The following TGFB2 variants were observed in gnomAD, a reference collection of about 807,000 sequenced individuals.
TGFB2 encodes transforming growth factor beta-2 proprotein.
TGFB2 carries 13 observed loss-of-function variants against 42.7 expected under a neutral mutation model. The observed-to-expected ratio is 0.30, with a 90% confidence interval of 0.20 to 0.48. The LOEUF (loss-of-function observed/expected upper bound fraction) is 0.48, where lower values mean the gene tolerates loss of function less well. Among genes scored for constraint, TGFB2 ranks in the 20% least tolerant of loss-of-function variants. The pLI is 0.99. For missense variants in TGFB2, 390 were observed against 517.5 expected, an observed-to-expected ratio of 0.75 and a Z score of 2.39; for synonymous variants, 193 against 193.6, an observed-to-expected ratio of 1.00 and a Z score of 0.03.
At chr1:218,429,322 C>A (rs551027434) in intron 2 of TGFB2, among the ~76,000 whole-genome samples, 3 of 152,112 alleles carry the variant, frequency 2.0e-5, no homozygotes, top group Non-Finnish European at 4.4e-5. Flanking sequence ...ATTTAAAGTA[C>A]CTTTTGTAAG....
intron 1 of TGFB2, among the ~76,000 whole-genome samples, chr1:218,362,382 G>A (rs1403536942): frequency 6.6e-6 from 1 of 152,184 alleles, no homozygotes; most frequent in Non-Finnish European, 1.5e-5. Context: ...ACACAAGTTA[G>A]ACAACTGCTC....
intron 1 of TGFB2, among the ~76,000 whole-genome samples, chr1:218,394,568 C>T (rs1658434184): frequency 1.3e-5 from 2 of 152,074 alleles, no homozygotes; most frequent in Admixed American, 1.3e-4. Context: ...GTCACGTAAG[C>T]TGATGCCGAC....
intron 1 of TGFB2, among the ~76,000 whole-genome samples, chr1:218,372,915 G>A (rs1169134142): frequency 6.6e-6 from 1 of 152,076 alleles, no homozygotes; most frequent in African/African-American, 2.4e-5. Flanking sequence ...GGTGGCTCAC[G>A]CCTGTAATCC....
intron 1 of TGFB2, among the ~76,000 whole-genome samples, chr1:218,351,188 C>T (rs890648729): frequency 6.6e-6 from 1 of 152,174 alleles, no homozygotes; most frequent in Non-Finnish European, 1.5e-5. Flanking sequence ...GGTCTGTTGG[C>T]CACTTGCCCA....
At chr1:218,404,745 G>C (rs1486984098) in intron 1 of TGFB2, among the ~76,000 whole-genome samples, 1 of 151,950 alleles carries the variant, frequency 6.6e-6, no homozygotes, top group East Asian at 1.9e-4. Context: ...AACTTTCAAG[G>C]AAAAAAAATA....
At chr1:218,385,766 T>C (rs1450215708) in intron 1 of TGFB2, among the ~76,000 whole-genome samples, 1 of 152,194 alleles carries the variant, frequency 6.6e-6, no homozygotes, top group Non-Finnish European at 1.5e-5. Context: ...TTCCCATCTT[T>C]CCCCTTGGAG....
intron 1 of TGFB2, among the ~76,000 whole-genome samples, chr1:218,391,054 T>C (rs1658302448): frequency 1.3e-5 from 2 of 152,198 alleles, no homozygotes; most frequent in African/African-American, 4.8e-5. Context: ...ATATTCTAGA[T>C]AGAGGGCTAC....
intron 2 of TGFB2, chr1:218,405,544 C>G: frequency 1.3e-6 from 1 of 797,348 alleles, no homozygotes; most frequent in East Asian, 2.9e-5. Flanking sequence ...TTTTAAAAAA[C>G]TTTTTTTAGA....
At chr1:218,372,982 G>C (rs997915176) in intron 1 of TGFB2, among the ~76,000 whole-genome samples, 1 of 152,128 alleles carries the variant, frequency 6.6e-6, no homozygotes, top group African/African-American at 2.4e-5. Flanking sequence ...TTCAAGACCA[G>C]CCTGATCACC....
At chr1:218,374,897 T>C (rs1657690856) in intron 1 of TGFB2, among the ~76,000 whole-genome samples, 1 of 152,242 alleles carries the variant, frequency 6.6e-6, no homozygotes, top group Admixed American at 6.5e-5. Context: ...CAAGTATTTT[T>C]AGGGCTCTTT....
chr1:218,411,367 G>C (rs985040910), intron 2 of TGFB2, among the ~76,000 whole-genome samples: 2 of 152,176 alleles, frequency 1.3e-5, no homozygotes, highest in South Asian at 2.1e-4. Context: ...GCATTTAGAT[G>C]ACAGTTGGGC....
chr1:218,430,328 G>C (rs1315139611), intron 2 of TGFB2, among the ~76,000 whole-genome samples: 1 of 151,950 alleles, frequency 6.6e-6, no homozygotes, highest in Non-Finnish European at 1.5e-5. Context: ...CCTGGAGGCG[G>C]AGGTTGCAGT....
rs559139897 is a variant in TGFB2, at chr1:218,363,226, G to T, written c.346+16179G>T. 28 of 943,086 alleles carry T rather than the reference G, an allele frequency of 3.0e-5. No individual in the cohort carries two copies. In the East Asian group the frequency reaches 6.9e-4, roughly 23 times the overall value. The allele number at this position is 943,086 out of a possible 1,614,324, so 58.4% of individuals were successfully genotyped here. On this transcript the variant is annotated intron_variant, in intron 1 of 6. Transcript: ENST00000366930. The stretch of plus-strand genomic sequence containing the variant: ...GCAGGGACCTTATTTCTGGGGAAAT[G>T]ATAAGAACATTCAATGAGTCCCTCT...
rs11466389 is a variant in TGFB2 at position 218,392,089 on chromosome 1, C to T, written c.347-13080C>T. Among the ~76,000 whole-genome samples the T allele has an allele frequency of 2.8e-3, 431 of 152,228 alleles. 3 individuals carry two copies. Among genetic ancestry groups the T allele is most frequent in the African/African-American group, 9.7e-3 (405 of 41,540 alleles). On this transcript the variant is annotated intron_variant, in intron 1 of 6. Coordinates refer to ENST00000366930, the MANE Select transcript of TGFB2 (RefSeq NM_003238.6). ...TTGATCGGCCAGGCACGGTGGCTCA[C>T]GCCTGTAATCCCAGCACTTTGGGAG... is the stretch of plus-strand genomic sequence containing the variant.
Position 218,436,098 on chromosome 1 carries a change from C to A in TGFB2, c.883C>A (p.Gln295Lys). The change falls in exon 5 of 7, where the codon CAG (glutamine) becomes AAG (lysine). Residue 295 changes from glutamine (Q) to lysine (K), a missense_variant. Transcript: ENST00000366930. ...GCCCTCCTACAGACTTGAGTCACAA[C>A]AGACCAACCGGCGGAAGAAGCGTGC... is the stretch of plus-strand genomic sequence containing the variant. Reference protein sequence around the residue: ...LLPSYRLESQQTNRRKKRALD... With the variant: ...LLPSYRLESQKTNRRKKRALD... The A allele has an allele frequency of 6.2e-7, 1 of 1,614,044 alleles. No homozygotes were observed. Among genetic ancestry groups the A allele is most frequent in the Non-Finnish European group, 8.5e-7 (1 of 1,179,954 alleles).
chr1:218,363,312 CTG>C, intron 1 of TGFB2: 4 of 1,604,684 alleles, frequency 2.5e-6, no homozygotes, highest in Non-Finnish European at 3.4e-6. Context: ...TAGCTAATGA[CTG>C]TGCTTTTTAA....
chr1:218,352,185 G>A (rs1571826711), intron 1 of TGFB2, among the ~76,000 whole-genome samples: 1 of 142,048 alleles, frequency 7.0e-6, no homozygotes, highest in African/African-American at 2.6e-5. Flanking sequence ...CCGAGCAAGA[G>A]ACTGCATGGA....
intron 1 of TGFB2, among the ~76,000 whole-genome samples, chr1:218,362,305 A>G (rs1005430222): frequency 1.3e-5 from 2 of 152,216 alleles, no homozygotes; most frequent in African/African-American, 4.8e-5. Flanking sequence ...CTCCCAGTGT[A>G]TGAAAGGAGC....
chr1:218,363,821 T>C (rs996886935), intron 1 of TGFB2, among the ~76,000 whole-genome samples: 7 of 152,200 alleles, frequency 4.6e-5, no homozygotes, highest in African/African-American at 1.4e-4. Context: ...TCTTGACACA[T>C]AGTAGTTGCT....
Sources: allele counts gnomAD v4.1 joint callset (sites outside exome capture counted in the v4.1 genomes callset), GRCh38; gene constraint gnomAD v4.1.1; transcripts MANE v1.5; gene names NCBI Gene and HGNC (gene_info 2026-07-23, HGNC 2026-07-21).